The following ATM variants were observed in gnomAD, a reference collection of about 807,000 sequenced individuals.
ATM encodes the protein serine-protein kinase ATM.
Under a neutral mutation model 387.0 loss-of-function variants are expected in ATM, and 308 were observed. The ratio of observed to expected loss-of-function variants is 0.80; its 90% CI spans 0.73 to 0.87. The LOEUF is 0.87. Among genes scored for constraint, ATM ranks in the 40% least tolerant of loss-of-function variants. The pLI is 0.00. For missense variants in ATM, 3,312 were observed against 3,560.9 expected (o/e 0.93, Z 1.78); for synonymous variants, 1,156 against 1,187.3 (o/e 0.97, Z 0.54).
In ATM at chr11:108,343,284, T is replaced by C; in HGVS notation, c.8331T>C (p.Gly2777=). Residue 2777 remains glycine (G), a synonymous_variant, in exon 57 of 63, where the codon GGT becomes GGC. Coordinates refer to ENST00000675843, the MANE Select transcript of ATM (RefSeq NM_000051.4). The part of the protein sequence containing the change: ...LEWCTGTVPI[G]EFLVNNEDGA... ...GGTGCACAGGAACTGTCCCCATTGG[T>C]GAATTTCTTGTTAACAATGAAGATG... 1 of 1,614,016 alleles carries C rather than the reference T, an allele frequency of 6.2e-7. No individual in the cohort carries two copies.
chr11:108,284,940 A>T lies in ATM; in HGVS notation c.3993+467A>T, dbSNP rs117586089. Among the ~76,000 whole-genome samples, 691 of 152,060 alleles carry T rather than the reference A, an allele frequency of 4.5e-3. 3 individuals are homozygous for T. Among genetic ancestry groups the T allele is most frequent in the Non-Finnish European group, 8.3e-3 (564 of 67,974 alleles). ...CACTTATTACCTTCTAATGTATGAT[A>T]CAATTTACCTTTTTTTTCTGTCTTT... is the stretch of plus-strand genomic sequence containing the variant. On this transcript the variant is annotated intron_variant, in intron 26 of 62. Coordinates refer to ENST00000675843, the MANE Select transcript of ATM (RefSeq NM_000051.4).
chr11:108,292,792 A>T lies in ATM; in HGVS notation c.4610A>T (p.Gln1537Leu), dbSNP rs1064794041. ...TATGAGCAGGTGGAGGTTCAGAAAC[A>T]GGTAATTTTCTGACTCATCTTCAAA... is the stretch of plus-strand genomic sequence containing the variant. Reference protein sequence around the residue: ...LVYEQVEVQKQVLDLLKYLVI... With the variant: ...LVYEQVEVQKLVLDLLKYLVI... The change falls in exon 30 of 63, where the codon CAG (glutamine) becomes CTG (leucine). Residue 1537 changes from glutamine to leucine, a missense_variant and splice_region_variant. Physicochemically the swap from Gln to Leu is moderately radical, Grantham distance 113. Coordinates refer to ENST00000675843, the MANE Select transcript of ATM (RefSeq NM_000051.4). 1 of 1,613,858 alleles carries T rather than the reference A, an allele frequency of 6.2e-7. No individual in the cohort carries two copies. The highest frequency in any genetic ancestry group is 8.5e-7 in the Non-Finnish European group (1 of 1,179,818).
chr11:108,265,949 A>G, intron 16 of ATM, among the ~76,000 whole-genome samples: 1 of 150,426 alleles, frequency 6.6e-6, no homozygotes, highest in African/African-American at 2.4e-5. Flanking sequence ...ATCTCACACC[A>G]GTTAGAATGG....
At chr11:108,291,730 GAA>G (rs931025448) in intron 29 of ATM, among the ~76,000 whole-genome samples, 1 of 152,174 alleles carries the variant, frequency 6.6e-6, no homozygotes, top group South Asian at 2.1e-4. Flanking sequence ...CATGAGAGGA[GAA>G]AACTTTTCCT....
rs761029795 is a variant in ATM at position 108,335,126 on chromosome 11, C to G, written c.8151+17C>G. The stretch of plus-strand genomic sequence containing the variant: ...CTTGTTAAGGTGAGCCTTCCCTTCT[C>G]TGGCTTAGCCCTTAGAGTTTTAGTG... On this transcript the variant is annotated intron_variant, in intron 55 of 62. Coordinates refer to ENST00000675843, the MANE Select transcript of ATM (RefSeq NM_000051.4). 5 of 1,613,958 alleles carry G rather than the reference C, an allele frequency of 3.1e-6. No individual in the cohort carries two copies. In the Admixed American group the frequency reaches 5.0e-5, roughly 16 times the overall value.
rs1057521619 is a variant in ATM, at chr11:108,271,161, C to A, written c.2921+15C>A. 1.1e-5 allele frequency: 17 copies of A among 1,613,408 alleles called. No individual in the cohort carries two copies. Among genetic ancestry groups the A allele is most frequent in the Non-Finnish European group, 1.4e-5 (16 of 1,179,748 alleles). ...AAACCACTATCGTAAGAAATTAAAA[C>A]CTTATGTTATGTTCACTTTAAAGTT... On this transcript the variant is annotated intron_variant, in intron 19 of 62. Coordinates refer to ENST00000675843, the MANE Select transcript of ATM (RefSeq NM_000051.4).
chr11:108,228,070 T>C (rs1411821909), intron 3 of ATM, among the ~76,000 whole-genome samples, 182 bp downstream of exon 3: 1 of 152,220 alleles, frequency 6.6e-6, no homozygotes, highest in African/African-American at 2.4e-5. Context: ...GTTGTTCATA[T>C]AGAAACTTAA....
At chr11:108,237,190 C>T (rs1377349359) in intron 5 of ATM, among the ~76,000 whole-genome samples, 1 of 152,150 alleles carries the variant, frequency 6.6e-6, no homozygotes, top group Non-Finnish European at 1.5e-5. Context: ...TCATTTGTAG[C>T]CTTTACGTTA....
At chr11:108,312,929 C>T (rs1020689969) in intron 40 of ATM, among the ~76,000 whole-genome samples, 20 of 152,166 alleles carry the variant, frequency 1.3e-4, no homozygotes, top group African/African-American at 3.9e-4. Context: ...GGATGCTTGC[C>T]GAATTTCTTT....
Position 108,328,630 on chromosome 11 carries a change from A to G in ATM, c.7090-391A>G, listed in dbSNP as rs561124883. Reference sequence around the variant, plus strand: ...CTGTCTGGGTTATTTCTACACTGTCAAAGTTGTTTTGAAAAGTCAAGAAAA... The same window carrying G: ...CTGTCTGGGTTATTTCTACACTGTCGAAGTTGTTTTGAAAAGTCAAGAAAA... On this transcript the variant is annotated intron_variant, in intron 48 of 62. Transcript: ENST00000675843. 7.2e-5 allele frequency among the ~76,000 whole-genome samples: 11 copies of G among 152,322 alleles called. No homozygotes were observed. The East Asian group carries it at 2.1e-3, about 29-fold the overall frequency.
chr11:108,345,478 C>T (rs151087435), intron 57 of ATM, among the ~76,000 whole-genome samples: 98 of 152,238 alleles, frequency 6.4e-4, no homozygotes, highest in African/African-American at 2.3e-3. Context: ...CTTAAGAGTA[C>T]AGGATTATTC....
intron 24 of ATM, among the ~76,000 whole-genome samples, chr11:108,281,986 GAC>G (rs2082257964): frequency 6.6e-6 from 1 of 152,082 alleles, no homozygotes; most frequent in Non-Finnish European, 1.5e-5. Context: ...TATTTTGAAA[GAC>G]AGGGTCTCAC....
Position 108,366,220 on chromosome 11 carries a change from A to G in ATM, c.*712A>G, listed in dbSNP as rs966180034. 9.7e-5 allele frequency: 19 copies of G among 195,308 alleles called. No individual in the cohort carries two copies. The highest frequency in any genetic ancestry group is 6.9e-5 in the African/African-American group (3 of 43,338). 12.1% of individuals were successfully genotyped at this position (195,308 alleles called of 1,614,324 possible). A position where few individuals can be genotyped will look rare whatever the true frequency, so the allele number is the denominator to read the frequency against. On this transcript the variant is annotated 3_prime_UTR_variant, in exon 63 of 63. Transcript: ENST00000675843. ...TCTTTTAAGCCCTTCTGTACTGTCC[A>G]TGTATGTTATCTTTCTGTGATAACT...
chr11:108,293,513 G>T, intron 31 of ATM, 36 bp downstream of exon 31: 1 of 1,534,578 alleles, frequency 6.5e-7, no homozygotes, highest in South Asian at 1.1e-5. Context: ...TTTTTTATTA[G>T]AGAACATAGT....
chr11:108,279,641 A>G, intron 23 of ATM, 33 bp downstream of exon 23: 1 of 1,494,364 alleles, frequency 6.7e-7, no homozygotes, highest in Middle Eastern at 1.7e-4. Context: ...TGCTGTTATC[A>G]TATGCTTGCT....
At chr11:108,317,304 GTTTT>G in intron 42 of ATM, 65 bp from the exon 43 acceptor site, 1 of 1,517,094 alleles carries the variant, frequency 6.6e-7, no homozygotes, top group Non-Finnish European at 9.1e-7. Context: ...TATCTTTGCT[GTTTT>G]TTTCTCTGGT....
chr11:108,353,070 G>A (rs921909736), intron 59 of ATM, among the ~76,000 whole-genome samples: 18 of 152,116 alleles, frequency 1.2e-4, no homozygotes, highest in African/African-American at 4.3e-4. Context: ...GGGGTGAAAT[G>A]GGGAAAAGGC....
intron 61 of ATM, among the ~76,000 whole-genome samples, chr11:108,361,486 G>C (rs76789362): frequency 1.6e-4 from 25 of 151,938 alleles, no homozygotes; most frequent in Non-Finnish European, 1.8e-4. Context: ...GCCCGCATCG[G>C]CAAGTCAATC....
chr11:108,250,633 A>G (rs1591522236), intron 9 of ATM, 68 bp from the exon 10 acceptor site: 3 of 1,463,950 alleles, frequency 2.0e-6, no homozygotes, highest in African/African-American at 1.4e-5. Context: ...TACCATGTCT[A>G]TATATTTCCT....
Sources: gnomAD v4.1 joint callset for allele counts (sites outside exome capture counted in the v4.1 genomes callset) on GRCh38, gnomAD v4.1.1 for gene constraint, MANE v1.5 for transcripts, NCBI Gene and HGNC (gene_info 2026-07-23, HGNC 2026-07-21) for gene names.